Variants in STX11 observed in about 807,000 individuals in gnomAD.
STX11 encodes the protein syntaxin-11.
Under a neutral mutation model 19.9 loss-of-function variants are expected in STX11, and 21 were observed. The ratio of observed to expected loss-of-function variants is 1.06; its 90% CI spans 0.75 to 1.52. The LOEUF is 1.52. Among genes scored for constraint, STX11 ranks in the 40% most tolerant of loss-of-function variants. STX11 has a pLI of 0.00. For missense variants in STX11, 438 were observed against 405.9 expected (o/e 1.08, Z -0.68); for synonymous variants, 193 against 174.4 (o/e 1.11, Z -0.84).
rs1026207150 is a variant in STX11, at chr6:144,165,964, G to T, written c.-6+15261G>T. Among the ~76,000 whole-genome samples the T allele has an allele frequency of 4.6e-5, 7 of 152,194 alleles. No individual in the cohort carries two copies. The highest frequency in any genetic ancestry group is 2.0e-4 in the Admixed American group (3 of 15,288). On this transcript the variant is annotated intron_variant, in intron 1 of 1. Coordinates refer to ENST00000367568, the MANE Select transcript of STX11 (RefSeq NM_003764.4). This position sits in a 1 kb window ranked among gnomAD's most constrained non-coding sequence, Gnocchi z 5.8. ...CAGCTAGAGATGGAAATGGGAATAA[G>T]CCCTCGCTTACCAGGCCAAGTACCC...
Position 144,170,869 on chromosome 6 carries a change from C to G in STX11, c.-5-15754C>G, listed in dbSNP as rs752740970. 2.6e-5 allele frequency among the ~76,000 whole-genome samples: 4 copies of G among 152,152 alleles called. No homozygotes were observed. The highest frequency in any genetic ancestry group is 9.7e-5 in the African/African-American group (4 of 41,428). ...AATACATGACCATAGGTAACATATA[C>G]AAAGTGCTCACTCTCTGCCAGGTGC... On this transcript the variant is annotated intron_variant, in intron 1 of 1. Coordinates refer to ENST00000367568, the MANE Select transcript of STX11 (RefSeq NM_003764.4). This position sits in a 1 kb window ranked among gnomAD's most constrained non-coding sequence, Gnocchi z 4.7.
At position 144,190,987 on chromosome 6, in the gene STX11, T is replaced by C. The variant is rs1408752141; in HGVS notation, c.*3496T>C. Among the ~76,000 whole-genome samples, 1 of 152,102 alleles carries C rather than the reference T, an allele frequency of 6.6e-6. No homozygotes were observed. The highest frequency in any genetic ancestry group is 1.5e-5 in the Non-Finnish European group (1 of 68,014). The stretch of plus-strand genomic sequence containing the variant: ...GCTTTACCAATCTCATGATGCTTGC[T>C]TGGCAACTCTGAAAGGTGACTTTGG... On this transcript the variant is annotated 3_prime_UTR_variant, in exon 2 of 2. Transcript: ENST00000367568.
At chr6:144,142,660 A>G in the STX11 span, among the ~76,000 whole-genome samples, 1 of 152,212 alleles carries the variant, frequency 6.6e-6, no homozygotes, top group Non-Finnish European at 1.5e-5. Flanking sequence ...AATAAGCCAG[A>G]CATAGGCAAA....
Position 144,183,458 on chromosome 6 carries a change from A to G in STX11, c.-5-3165A>G, listed in dbSNP as rs1300926666. Among the ~76,000 whole-genome samples the G allele has an allele frequency of 6.6e-6, 1 of 152,276 alleles. No individual in the cohort carries two copies. Among genetic ancestry groups the G allele is most frequent in the African/African-American group, 2.4e-5 (1 of 41,472 alleles). ...CATTATATCTTTAGAATAAATGCAC[A>G]TATGTCAAAACAAATGCACACTTGA... is the stretch of plus-strand genomic sequence containing the variant. On this transcript the variant is annotated intron_variant, in intron 1 of 1. Coordinates refer to ENST00000367568, the MANE Select transcript of STX11 (RefSeq NM_003764.4). The surrounding 1 kb of genome is among the most constrained non-coding windows in gnomAD (Gnocchi z 4.6).
rs1424451774 is a variant in STX11, at chr6:144,154,129, A to G, written c.-6+3426A>G. 6.6e-6 allele frequency among the ~76,000 whole-genome samples: 1 copy of G among 152,240 alleles called. No homozygotes were observed. The highest frequency in any genetic ancestry group is 1.5e-5 in the Non-Finnish European group (1 of 68,034). ...TGCAGTGTTAGTAACTGACAGAGCC[A>G]GAAATGGATCCCAAGCACTTGGTTC... is the stretch of plus-strand genomic sequence containing the variant. On this transcript the variant is annotated intron_variant, in intron 1 of 1. Transcript: ENST00000367568. This position sits in a 1 kb window ranked among gnomAD's most constrained non-coding sequence, Gnocchi z 4.7.
intron 1 of STX11, among the ~76,000 whole-genome samples, chr6:144,171,185 C>G (rs147736532): frequency 0.015 from 2,227 of 152,218 alleles, 60 homozygotes; most frequent in African/African-American, 0.048. Flanking sequence ...AACACTTAGC[C>G]CCCCTCCTAT....
At chr6:144,149,449 G>A (rs1800937548), upstream of STX11, among the ~76,000 whole-genome samples, 1 of 152,072 alleles carries the variant, frequency 6.6e-6, no homozygotes, top group Non-Finnish European at 1.5e-5. The surrounding 1 kb of genome is among the most constrained non-coding windows in gnomAD (Gnocchi z 5.1). Context: ...CTGCCATCAA[G>A]GCAGGATTCG....
rs1802115364 is a variant in STX11, at chr6:144,188,219, T to C, written c.*728T>C. The C allele has an allele frequency of 4.3e-6, 1 of 234,474 alleles. No homozygotes were observed. Among genetic ancestry groups the C allele is most frequent in the Admixed American group, 5.8e-5 (1 of 17,360 alleles). The allele number at this position is 234,474 out of a possible 1,614,324, so 14.5% of individuals were successfully genotyped here. A position where few individuals can be genotyped will look rare whatever the true frequency, so the allele number is the denominator to read the frequency against. ...TCATGTTTTGTGTATTTTTCGCTGA[T>C]AAAAATTATTTAACATTTATATTTT... is the stretch of plus-strand genomic sequence containing the variant. On this transcript the variant is annotated 3_prime_UTR_variant, in exon 2 of 2. Transcript: ENST00000367568.
chr6:144,179,578 T>C (rs970099949), intron 1 of STX11, among the ~76,000 whole-genome samples: 1 of 152,040 alleles, frequency 6.6e-6, no homozygotes, highest in Non-Finnish European at 1.5e-5. Flanking sequence ...CTGGATGAGG[T>C]GGTTGAGAAA....
At chr6:144,149,365 A>C (rs1337195649), upstream of STX11, among the ~76,000 whole-genome samples, 4 of 152,082 alleles carry the variant, frequency 2.6e-5, no homozygotes, top group African/African-American at 9.7e-5. This position sits in a 1 kb window ranked among gnomAD's most constrained non-coding sequence, Gnocchi z 5.1. Context: ...TACCTTGTTT[A>C]GTTTACTTCG....
upstream of STX11, among the ~76,000 whole-genome samples, chr6:144,146,316 T>G (rs1800872918): frequency 6.6e-6 from 1 of 152,168 alleles, no homozygotes; most frequent in African/African-American, 2.4e-5. This position sits in a 1 kb window ranked among gnomAD's most constrained non-coding sequence, Gnocchi z 4.4. Flanking sequence ...GGTCATCATC[T>G]CTGAAAAACT....
At position 144,188,040 on chromosome 6, in the gene STX11, C is replaced by T. The variant is rs559556869; in HGVS notation, c.*549C>T. ...CCCAAATATAGATCTTATTTCTGCTCATTTCCCCTACTTATTAAAATCACA... is the reference window on the plus strand; with the variant it reads ...CCCAAATATAGATCTTATTTCTGCTTATTTCCCCTACTTATTAAAATCACA... On this transcript the variant is annotated 3_prime_UTR_variant, in exon 2 of 2. Coordinates refer to ENST00000367568, the MANE Select transcript of STX11 (RefSeq NM_003764.4). 103 of 246,240 alleles carry T rather than the reference C, an allele frequency of 4.2e-4. No individual in the cohort carries two copies. Among genetic ancestry groups the T allele is most frequent in the African/African-American group, 2.1e-3 (97 of 45,276 alleles). The allele number at this position is 246,240 out of a possible 1,614,324, so 15.3% of individuals were successfully genotyped here.
At chr6:144,186,089 A>G (rs1161949603) in intron 1 of STX11, among the ~76,000 whole-genome samples, 1 of 140,278 alleles carries the variant, frequency 7.1e-6, no homozygotes, top group Non-Finnish European at 1.5e-5. Context: ...TTAATTTGCA[A>G]TGATTGGAAA....
chr6:144,145,331 T>C, the STX11 span, among the ~76,000 whole-genome samples: 1 of 152,220 alleles, frequency 6.6e-6, no homozygotes, highest in East Asian at 1.9e-4. Flanking sequence ...ATTCCACTTA[T>C]ATGAGATACT....
In STX11 at chr6:144,191,534, T is replaced by TAAAAA; in HGVS notation, c.*4050_*4054dup. On this transcript the variant is annotated 3_prime_UTR_variant, in exon 2 of 2. Transcript: ENST00000367568. ...AAACTACTGAAGATTGTGTACAGCT[T>TAAAAA]AAAAAAAAAAATAGGGTAACTATAG... Among the ~76,000 whole-genome samples, 1 of 147,970 alleles carries TAAAAA rather than the reference T, an allele frequency of 6.8e-6. No homozygotes were observed. The highest frequency in any genetic ancestry group is 1.5e-5 in the Non-Finnish European group (1 of 66,856).
chr6:144,161,421 G>T (rs563417085), intron 1 of STX11, among the ~76,000 whole-genome samples: 1 of 152,248 alleles, frequency 6.6e-6, no homozygotes, highest in Admixed American at 6.5e-5. Flanking sequence ...ACGCTGGAGT[G>T]CAGTGGCATG....
At chr6:144,140,252 A>T in the STX11 span, among the ~76,000 whole-genome samples, 321 of 51,874 alleles carry the variant, frequency 6.2e-3, 1 homozygote, top group African/African-American at 0.029. Flanking sequence ...ATATATATAT[A>T]TATTTATTTA....
In STX11 at chr6:144,183,640, A is replaced by G. The variant is rs1801960608; in HGVS notation, c.-5-2983A>G. ...AATTAGACTTTTTTTTAATCTAGAA[A>G]AAAAATTTAATGTACTTGCTTAGTT... is the stretch of plus-strand genomic sequence containing the variant. On this transcript the variant is annotated intron_variant, in intron 1 of 1. Transcript: ENST00000367568. The surrounding 1 kb of genome is among the most constrained non-coding windows in gnomAD (Gnocchi z 4.6). Among the ~76,000 whole-genome samples, 2 of 152,244 alleles carry G rather than the reference A, an allele frequency of 1.3e-5. No individual in the cohort carries two copies. The highest frequency in any genetic ancestry group is 1.3e-4 in the Admixed American group (2 of 15,286).
the STX11 span, among the ~76,000 whole-genome samples, chr6:144,144,979 G>A: frequency 2.6e-5 from 4 of 152,116 alleles, no homozygotes; most frequent in Non-Finnish European, 5.9e-5. Context: ...TGTGAAAAAT[G>A]GTAATGATAA....
Sources: allele counts gnomAD v4.1 joint callset (sites outside exome capture counted in the v4.1 genomes callset), GRCh38; gene constraint gnomAD v4.1.1; non-coding constraint Gnocchi (gnomAD v3.1); transcripts MANE v1.5; gene names NCBI Gene and HGNC (gene_info 2026-07-23, HGNC 2026-07-21).